The following NME7 variants were observed in gnomAD, a reference collection of about 807,000 sequenced individuals.
NME7 encodes the protein NME/NM23 family member 7.
Under a neutral mutation model 49.1 loss-of-function variants are expected in NME7, and 41 were observed. The observed-to-expected ratio is 0.83, with a 90% CI of 0.65 to 1.08. NME7 has a LOEUF of 1.08. Among genes scored for constraint, NME7 ranks in the 50% least tolerant of loss-of-function variants. The pLI is 0.00. For synonymous variants in NME7, 139 were observed against 150.6 expected, an observed-to-expected ratio of 0.92 and a Z score of 0.56; for missense variants, 423 against 463.4, an observed-to-expected ratio of 0.91 and a Z score of 0.80.
chr1:169,304,218 T>C (rs915811719), intron 4 of NME7, among the ~76,000 whole-genome samples: 3 of 152,168 alleles, frequency 2.0e-5, no homozygotes, highest in Non-Finnish European at 2.9e-5. Flanking sequence ...AGCTAAAAAG[T>C]CTAAAAAACT....
rs539220716 is a variant in NME7 at position 169,215,372 on chromosome 1, A to T, written c.990+15346T>A. On this transcript the variant is annotated intron_variant, in intron 10 of 11. Transcript: ENST00000367811. ...AACATTCAATTTGTAAAAAGACATT[A>T]TTCAGAAAGAACCAATCAGGAAAGA... Among the ~76,000 whole-genome samples, 3 of 152,290 alleles carry T rather than the reference A, an allele frequency of 2.0e-5. No homozygotes were observed. The South Asian group carries it at 6.2e-4, about 32-fold the overall frequency.
At chr1:169,157,013 C>T (rs1259693384) in intron 11 of NME7, among the ~76,000 whole-genome samples, 2 of 152,178 alleles carry the variant, frequency 1.3e-5, no homozygotes, top group Non-Finnish European at 2.9e-5. Context: ...CTTGAATAAA[C>T]AGCAATGAAA....
At chr1:169,223,226 T>A (rs1028920629) in intron 10 of NME7, among the ~76,000 whole-genome samples, 2 of 152,340 alleles carry the variant, frequency 1.3e-5, no homozygotes, top group East Asian at 3.9e-4. Context: ...TCTTTTTATT[T>A]CATCCTATCT....
intron 7 of NME7, among the ~76,000 whole-genome samples, chr1:169,242,394 ACT>A (rs1648127614): frequency 6.6e-6 from 1 of 152,026 alleles, no homozygotes; most frequent in South Asian, 2.1e-4. Context: ...AATCAAAAAA[ACT>A]GTAAGAAAAA....
intron 1 of NME7, among the ~76,000 whole-genome samples, chr1:169,366,948 T>C (rs1339003606): frequency 7.9e-5 from 12 of 152,172 alleles, no homozygotes; most frequent in Admixed American, 7.9e-4. Context: ...CCGTTATCCA[T>C]AAGTGCTTAA....
intron 10 of NME7, among the ~76,000 whole-genome samples, chr1:169,180,743 C>G (rs1198219884): frequency 2.0e-5 from 3 of 152,062 alleles, no homozygotes; most frequent in African/African-American, 7.2e-5. Context: ...TTATTTAACC[C>G]TATATATTCA....
At chr1:169,256,008 A>C (rs1648914282) in intron 7 of NME7, among the ~76,000 whole-genome samples, 1 of 132,400 alleles carries the variant, frequency 7.6e-6, no homozygotes. Flanking sequence ...TTTTACCTTC[A>C]TTTCAACTTT....
intron 10 of NME7, among the ~76,000 whole-genome samples, chr1:169,182,178 A>AAAAAAAC (rs1360716932): frequency 1.4e-5 from 2 of 147,958 alleles, no homozygotes; most frequent in Non-Finnish European, 3.0e-5. Flanking sequence ...CTAATTTAAA[A>AAAAAAAC]AAAAAAAAAA....
chr1:169,329,916 A>G (rs1396252834), intron 1 of NME7, among the ~76,000 whole-genome samples: 1 of 152,206 alleles, frequency 6.6e-6, no homozygotes, highest in African/African-American at 2.4e-5. Context: ...TCAAAGGTCA[A>G]GGATAAAGAA....
intron 5 of NME7, 124 bp downstream of exon 5, chr1:169,303,021 T>C: frequency 3.5e-6 from 2 of 569,432 alleles, no homozygotes; most frequent in Admixed American, 3.1e-5. Flanking sequence ...TCTGTGCAGT[T>C]GCAAGATGTT....
chr1:169,245,925 C>A (rs1439305297), intron 7 of NME7, among the ~76,000 whole-genome samples: 4 of 152,226 alleles, frequency 2.6e-5, no homozygotes, highest in Admixed American at 6.5e-5. Flanking sequence ...CTTTCTGTCT[C>A]CTAGAGAGCA....
intron 6 of NME7, 37 bp from the exon 7 acceptor site, chr1:169,287,445 C>A (rs370580948): frequency 1.4e-6 from 2 of 1,393,290 alleles, no homozygotes; most frequent in East Asian, 2.5e-5. Context: ...CAAATGTGAT[C>A]TCTTATCTTG....
chr1:169,174,515 G>A (rs1348815226), intron 10 of NME7, among the ~76,000 whole-genome samples: 3 of 152,168 alleles, frequency 2.0e-5, no homozygotes, highest in Non-Finnish European at 2.9e-5. Flanking sequence ...TAACAACAGA[G>A]ATATAGTCTA....
chr1:169,320,144 T>C (rs987096652), intron 3 of NME7, among the ~76,000 whole-genome samples: 1 of 152,194 alleles, frequency 6.6e-6, no homozygotes, highest in Non-Finnish European at 1.5e-5. Context: ...AGACACAAAT[T>C]GTATCGTGTC....
At chr1:169,291,865 C>A (rs2101899923) in intron 6 of NME7, among the ~76,000 whole-genome samples, 1 of 152,068 alleles carries the variant, frequency 6.6e-6, no homozygotes, top group South Asian at 2.1e-4. Flanking sequence ...AATGCTATTG[C>A]ATTTAGTAGC....
chr1:169,218,146 CT>C (rs925405462), intron 10 of NME7, among the ~76,000 whole-genome samples: 5 of 152,138 alleles, frequency 3.3e-5, no homozygotes, highest in Non-Finnish European at 1.5e-5. Context: ...GGCTTAACTG[CT>C]TTTTTCCCTT....
chr1:169,186,585 G>T (rs1250364975), intron 10 of NME7, among the ~76,000 whole-genome samples: 6 of 152,096 alleles, frequency 3.9e-5, no homozygotes, highest in Non-Finnish European at 8.8e-5. Context: ...ATGGTAGTTT[G>T]TATTTCTGTG....
At chr1:169,158,013 C>T (rs371738015) in intron 11 of NME7, among the ~76,000 whole-genome samples, 3 of 152,180 alleles carry the variant, frequency 2.0e-5, no homozygotes, top group African/African-American at 7.2e-5. Flanking sequence ...TGTCTGTTTA[C>T]TATGTTGATA....
At chr1:169,248,787 G>T (rs1041458812) in intron 7 of NME7, among the ~76,000 whole-genome samples, 1 of 152,074 alleles carries the variant, frequency 6.6e-6, no homozygotes, top group African/African-American at 2.4e-5. Context: ...TCAGTTGGTT[G>T]TAAGTATTTG....
Sources: allele counts gnomAD v4.1 joint callset (sites outside exome capture counted in the v4.1 genomes callset), GRCh38; gene constraint gnomAD v4.1.1; transcripts MANE v1.5; gene names NCBI Gene and HGNC (gene_info 2026-07-23, HGNC 2026-07-21).